Variants in PTGR3 observed in about 807,000 individuals in gnomAD.
The protein encoded by PTGR3 is prostaglandin reductase 3.
At chr18:75,195,316 T>A in the PTGR3 span, 1 of 152,208 alleles carries the variant, frequency 6.6e-6, no homozygotes, top group Non-Finnish European at 1.5e-5. Flanking sequence ...ACTTTCATGG[T>A]CAGAACCGTG....
At chr18:75,205,206 T>C in the PTGR3 span, 2 of 985,322 alleles carry the variant, frequency 2.0e-6, no homozygotes, top group Non-Finnish European at 2.4e-6. Flanking sequence ...TGCGTGAGGG[T>C]CCGCAGCTCG....
At chr18:75,208,905 T>C in the PTGR3 span, 1 of 1,573,594 alleles carries the variant, frequency 6.4e-7, no homozygotes, top group Non-Finnish European at 8.6e-7. Context: ...CAGTCCCGGC[T>C]CAGGGTGACG....
At chr18:75,199,897 C>G in the PTGR3 span, 1 of 152,542 alleles carries the variant, frequency 6.6e-6, no homozygotes, top group Non-Finnish European at 1.5e-5. Flanking sequence ...GTTCCATTTA[C>G]CATATAAATT....
the PTGR3 span, among the ~76,000 whole-genome samples, chr18:75,202,607 T>C: frequency 6.6e-6 from 1 of 151,718 alleles, no homozygotes; most frequent in African/African-American, 2.4e-5. Context: ...AATGGCAAGT[T>C]GTTTGTTTCA....
chr18:75,203,970 G>A, the PTGR3 span, among the ~76,000 whole-genome samples: 86 of 152,340 alleles, frequency 5.6e-4, no homozygotes, highest in Non-Finnish European at 9.4e-4. Context: ...TGCCCGTGGG[G>A]GTGGAAGTGA....
At chr18:75,200,206 G>C in the PTGR3 span, 1 of 152,108 alleles carries the variant, frequency 6.6e-6, no homozygotes, top group Non-Finnish European at 1.5e-5. Flanking sequence ...CAGTCTTCAG[G>C]GCACTAAAGG....
chr18:75,201,582 C>A, the PTGR3 span: 61,280 of 1,614,148 alleles, frequency 0.038, 1,346 homozygotes, highest in Non-Finnish European at 0.045. Context: ...TCCGCTCACA[C>A]ACATCTCGAG....
chr18:75,206,993 A>T, the PTGR3 span, among the ~76,000 whole-genome samples: 1 of 152,178 alleles, frequency 6.6e-6, no homozygotes, highest in Non-Finnish European at 1.5e-5. Context: ...GGGGAAGGGG[A>T]AAGGGAGGGG....
At chr18:75,202,249 T>C in the PTGR3 span, 1 of 1,614,134 alleles carries the variant, frequency 6.2e-7, no homozygotes. Context: ...ACCTCCCCAA[T>C]GCCTTCGAAA....
At chr18:75,202,058 C>T in the PTGR3 span, 1 of 1,614,136 alleles carries the variant, frequency 6.2e-7, no homozygotes, top group South Asian at 1.1e-5. Context: ...CGAGCTCTTT[C>T]AGGCTGATGT....
At chr18:75,202,181 G>GT in the PTGR3 span, 1 of 1,614,168 alleles carries the variant, frequency 6.2e-7, no homozygotes. Flanking sequence ...CAGGTGCCAT[G>GT]TAAGCCACAG....
At chr18:75,207,649 T>A in the PTGR3 span, among the ~76,000 whole-genome samples, 12 of 124,754 alleles carry the variant, frequency 9.6e-5, no homozygotes, top group East Asian at 3.2e-3. Flanking sequence ...CATGGTTCAA[T>A]CATTCTTCCC....
the PTGR3 span, chr18:75,198,405 T>C: frequency 6.6e-6 from 1 of 152,200 alleles, no homozygotes; most frequent in Non-Finnish European, 1.5e-5. Flanking sequence ...TAATGACCAT[T>C]TACAGAGGCT....
the PTGR3 span, among the ~76,000 whole-genome samples, chr18:75,204,792 G>C: frequency 6.6e-6 from 1 of 152,092 alleles, no homozygotes; most frequent in Non-Finnish European, 1.5e-5. Context: ...GGCGCGCCCA[G>C]TCCGCGCCCT....
chr18:75,205,097 G>A, the PTGR3 span: 1 of 953,286 alleles, frequency 1.0e-6, no homozygotes, highest in Non-Finnish European at 1.2e-6. Context: ...TCCGGTTCGC[G>A]GACCCCCACC....
chr18:75,201,776 G>A, the PTGR3 span: 53 of 1,614,064 alleles, frequency 3.3e-5, no homozygotes, highest in Middle Eastern at 3.3e-4. Flanking sequence ...TAGCCAGGGC[G>A]TCTACAGCCA....
At chr18:75,203,504 C>G in the PTGR3 span, among the ~76,000 whole-genome samples, 2 of 152,178 alleles carry the variant, frequency 1.3e-5, no homozygotes, top group Non-Finnish European at 2.9e-5. Flanking sequence ...CTTATAAAAG[C>G]TCACTTATGA....
the PTGR3 span, among the ~76,000 whole-genome samples, chr18:75,203,474 G>A: frequency 6.6e-6 from 1 of 152,164 alleles, no homozygotes; most frequent in African/African-American, 2.4e-5. Context: ...CTTTCACGGT[G>A]ATATAGGTAA....
At chr18:75,208,759 C>A in the PTGR3 span, 1 of 1,197,860 alleles carries the variant, frequency 8.3e-7, no homozygotes, top group South Asian at 3.1e-5. Flanking sequence ...AGTGTGGGCA[C>A]GCGGGCGGGC....
Sources: allele counts gnomAD v4.1 joint callset (sites outside exome capture counted in the v4.1 genomes callset), GRCh38; gene constraint gnomAD v4.1.1; transcripts MANE v1.5; gene names NCBI Gene and HGNC (gene_info 2026-07-23, HGNC 2026-07-21).